The following HMGA2 variants were observed in gnomAD, a reference collection of about 807,000 sequenced individuals.
HMGA2 encodes high mobility group protein HMGI-C.
A neutral mutation model predicts 19.1 loss-of-function variants in HMGA2; 8 were observed. The ratio of observed to expected loss-of-function variants is 0.42; its 90% CI spans 0.25 to 0.76. The LOEUF (loss-of-function observed/expected upper bound fraction) is 0.76, where lower values mean the gene tolerates loss of function less well. Among genes scored for constraint, HMGA2 ranks in the 30% least tolerant of loss-of-function variants. HMGA2 has a pLI of 0.28. For synonymous variants in HMGA2, 60 were observed against 48.8 expected (o/e 1.23, Z -0.96); for missense variants, 109 against 136.3 (o/e 0.80, Z 1.00).
At chr12:65,926,940 T>G (rs895103256) in intron 3 of HMGA2, among the ~76,000 whole-genome samples, 3 of 152,212 alleles carry the variant, frequency 2.0e-5, no homozygotes, top group Non-Finnish European at 4.4e-5. Context: ...TTGATCACTG[T>G]TACCATGCAG....
intron 3 of HMGA2, chr12:65,915,163 A>C: frequency 1.9e-6 from 3 of 1,612,538 alleles, no homozygotes; most frequent in Non-Finnish European, 1.7e-6. Flanking sequence ...ATAGCTCTTC[A>C]TGTTATTTTC....
intron 3 of HMGA2, among the ~76,000 whole-genome samples, chr12:65,904,206 G>A (rs1442669661): frequency 6.6e-6 from 1 of 152,210 alleles, no homozygotes; most frequent in Non-Finnish European, 1.5e-5. Flanking sequence ...TGAGAGGCTG[G>A]GCCTAGAATC....
intron 2 of HMGA2, among the ~76,000 whole-genome samples, chr12:65,829,194 A>G (rs1398841109): frequency 6.6e-6 from 1 of 152,084 alleles, no homozygotes; most frequent in African/African-American, 2.4e-5. Context: ...ATAGCAACTA[A>G]TGGTACATAT....
At chr12:65,885,122 ATT>A (rs1331434133) in intron 3 of HMGA2, among the ~76,000 whole-genome samples, 1 of 152,126 alleles carries the variant, frequency 6.6e-6, no homozygotes, top group East Asian at 1.9e-4. Flanking sequence ...GTTTCTGTTT[ATT>A]TATTCCTTAG....
chr12:65,933,589 G>C (rs1449620936), intron 3 of HMGA2, among the ~76,000 whole-genome samples: 3 of 152,260 alleles, frequency 2.0e-5, no homozygotes. Context: ...AGGATAAAAA[G>C]ATTATTTAAA....
At chr12:65,856,988 T>C (rs1382217642) in intron 3 of HMGA2, 1 of 152,212 alleles carries the variant, frequency 6.6e-6, no homozygotes, top group Admixed American at 6.5e-5. Context: ...AGGGCTTCAC[T>C]ATATCTTTTT....
chr12:65,961,421 G>C (rs369248166), intron 4 of HMGA2, among the ~76,000 whole-genome samples: 8 of 152,280 alleles, frequency 5.3e-5, no homozygotes, highest in African/African-American at 1.9e-4. Flanking sequence ...GTCATGGCCT[G>C]TTGCCTAGTC....
intron 3 of HMGA2, among the ~76,000 whole-genome samples, chr12:65,885,732 TCC>T (rs1873630102): frequency 6.6e-6 from 1 of 152,216 alleles, no homozygotes; most frequent in Admixed American, 6.5e-5. Context: ...AGGCTGCCTC[TCC>T]CCAAATTTTT....
intron 3 of HMGA2, among the ~76,000 whole-genome samples, chr12:65,930,332 A>T (rs1875665070): frequency 6.6e-6 from 1 of 152,096 alleles, no homozygotes; most frequent in Non-Finnish European, 1.5e-5. Flanking sequence ...CACCACCTTA[A>T]TCCTTCAGGG....
At chr12:65,881,366 A>AT (rs1257909777) in intron 3 of HMGA2, 3 of 233,808 alleles carry the variant, frequency 1.3e-5, no homozygotes, top group South Asian at 1.9e-4. Context: ...ACATAATCAG[A>AT]TTTTTTTCAG....
At chr12:65,837,015 CTTTG>C (rs996902060) in intron 2 of HMGA2, among the ~76,000 whole-genome samples, 1 of 152,154 alleles carries the variant, frequency 6.6e-6, no homozygotes, top group African/African-American at 2.4e-5. Flanking sequence ...CACTTACCTG[CTTTG>C]TTTGTGACCT....
At chr12:65,886,078 C>G (rs913590184) in intron 3 of HMGA2, among the ~76,000 whole-genome samples, 21 of 152,144 alleles carry the variant, frequency 1.4e-4, no homozygotes, top group Non-Finnish European at 2.9e-5. Context: ...AATAAACTTA[C>G]TTTCACTTAC....
At chr12:65,891,053 A>T (rs1331758283) in intron 3 of HMGA2, among the ~76,000 whole-genome samples, 1 of 152,162 alleles carries the variant, frequency 6.6e-6, no homozygotes, top group African/African-American at 2.4e-5. Flanking sequence ...ATATTCGTAT[A>T]TGTGAATTGA....
intron 3 of HMGA2, among the ~76,000 whole-genome samples, chr12:65,895,014 G>T (rs565370709): frequency 6.6e-6 from 1 of 152,262 alleles, no homozygotes; most frequent in Admixed American, 6.5e-5. Context: ...CAGTAAAACA[G>T]CATTTAAAAC....
At chr12:65,952,821 G>T (rs1448139376) in intron 4 of HMGA2, 2 of 168,264 alleles carry the variant, frequency 1.2e-5, no homozygotes, top group Admixed American at 1.1e-4. Flanking sequence ...ACTTTATGTG[G>T]TTTGTTAATA....
intron 3 of HMGA2, among the ~76,000 whole-genome samples, chr12:65,913,525 A>C (rs971403570): frequency 8.5e-5 from 13 of 152,222 alleles, no homozygotes; most frequent in Non-Finnish European, 5.9e-5. Context: ...ACAGTACTTC[A>C]AAAACATTAT....
intron 3 of HMGA2, 88 bp from the exon 4 acceptor site, chr12:65,951,295 C>T: frequency 1.3e-6 from 1 of 786,804 alleles, no homozygotes; most frequent in Non-Finnish European, 2.1e-6. Flanking sequence ...CCTTTGCAGA[C>T]AAGTATCTGT....
rs182406735 is a variant in HMGA2, at chr12:65,900,452, G to A, written c.250-50931G>A. 2.0e-5 allele frequency among the ~76,000 whole-genome samples: 3 copies of A among 152,324 alleles called. No individual in the cohort carries two copies. In the East Asian group the frequency reaches 5.8e-4, roughly 29 times the overall value. On this transcript the variant is annotated intron_variant, in intron 3 of 4. Coordinates refer to ENST00000403681, the MANE Select transcript of HMGA2 (RefSeq NM_003483.6). ...TCACAGCATAGCTGAATGCCAGAGA[G>A]CAGAACTTAACCAGACCTAAATCTT...
intron 3 of HMGA2, among the ~76,000 whole-genome samples, chr12:65,886,545 G>C (rs1264100028): frequency 6.6e-6 from 1 of 152,048 alleles, no homozygotes; most frequent in Admixed American, 6.6e-5. Flanking sequence ...TTTTGGTAGA[G>C]ATGGAGTTTC....
Sources: gnomAD v4.1 joint callset for allele counts (sites outside exome capture counted in the v4.1 genomes callset) on GRCh38, gnomAD v4.1.1 for gene constraint, MANE v1.5 for transcripts, NCBI Gene and HGNC (gene_info 2026-07-23, HGNC 2026-07-21) for gene names.